Variants in BTNL2 observed in about 807,000 individuals in gnomAD.
BTNL2 encodes the protein butyrophilin-like protein 2.
A neutral mutation model predicts 46.8 loss-of-function variants in BTNL2; 46 were observed. The ratio of observed to expected loss-of-function variants is 0.98; its 90% CI spans 0.78 to 1.26. The LOEUF is 1.26. BTNL2 is among the 50% of genes most tolerant of loss of function. BTNL2 has a pLI of 0.00. For synonymous variants in BTNL2, 226 were observed against 229.1 expected, an observed-to-expected ratio of 0.99 and a Z score of 0.12; for missense variants, 461 against 592.6, an observed-to-expected ratio of 0.78 and a Z score of 2.31.
chr6:32,405,294 A>G lies in BTNL2; in HGVS notation c.80-8T>C. On this transcript the variant is annotated splice_polypyrimidine_tract_variant and splice_region_variant and intron_variant, in intron 1 of 7. Transcript: ENST00000454136. ...CAATGACTCTAAAGTCTTCTATAAA[A>G]TAAGTGAAAAAGAGGAACGAGGAAA... is the stretch of plus-strand genomic sequence containing the variant. The G allele has an allele frequency of 6.2e-7, 1 of 1,612,444 alleles. No homozygotes were observed. The highest frequency in any genetic ancestry group is 8.5e-7 in the Non-Finnish European group (1 of 1,179,614).
At chr6:32,401,872 T>A (rs1014689498) in intron 3 of BTNL2, 67 bp from the exon 4 acceptor site, 1 of 1,454,046 alleles carries the variant, frequency 6.9e-7, no homozygotes, top group Non-Finnish European at 9.5e-7. Flanking sequence ...AACTATTTTT[T>A]AAAAAAGAAA....
intron 1 of BTNL2, chr6:32,405,658 G>C (rs1172942962): frequency 3.4e-6 from 1 of 297,060 alleles, no homozygotes; most frequent in Non-Finnish European, 6.5e-6. Context: ...TTTATTCCTT[G>C]AGTCATTTAT....
chr6:32,395,614 C>T (rs117778565), intron 5 of BTNL2, among the ~76,000 whole-genome samples: 3 of 151,984 alleles, frequency 2.0e-5, no homozygotes, highest in African/African-American at 7.2e-5. Context: ...ATCTTTTCTC[C>T]CCTGTCCCTG....
At chr6:32,400,760 A>AAAAAAAAAAC (rs1390075841) in intron 4 of BTNL2, among the ~76,000 whole-genome samples, 3 of 115,834 alleles carry the variant, frequency 2.6e-5, no homozygotes, top group Non-Finnish European at 3.8e-5. Context: ...AAAAAAAAAA[A>AAAAAAAAAAC]AAATTAGCTG....
Position 32,394,740 on chromosome 6 carries a change from C to A in BTNL2, c.1360+4G>T, listed in dbSNP as rs750219754. On this transcript the variant is annotated splice_donor_region_variant and intron_variant, in intron 6 of 7. Coordinates refer to ENST00000454136, the MANE Select transcript of BTNL2 (RefSeq NM_001304561.2). This position sits in a 1 kb window ranked among gnomAD's most constrained non-coding sequence, Gnocchi z 4.6. The stretch of plus-strand genomic sequence containing the variant: ...AACCTGAAGGAACATAAGGAATCAC[C>A]AACCTGAGAGAGAAAAAGTTGCGAT... 1 of 1,608,636 alleles carries A rather than the reference C, an allele frequency of 6.2e-7. No homozygotes were observed.
At chr6:32,403,599 G>A (rs1249621029) in intron 2 of BTNL2, 1 of 153,422 alleles carries the variant, frequency 6.5e-6, no homozygotes, top group Admixed American at 7.1e-5. Flanking sequence ...ACATTGTCTG[G>A]TATTTTAGAT....
Position 32,393,602 on chromosome 6 carries a change from A to T in BTNL2, c.*7-213T>A. The T allele has an allele frequency of 6.1e-6, 1 of 165,106 alleles. No individual in the cohort carries two copies. The highest frequency in any genetic ancestry group is 1.3e-5 in the Non-Finnish European group (1 of 77,020). The allele number at this position is 165,106 out of a possible 1,614,324, so 10.2% of individuals were successfully genotyped here. On this transcript the variant is annotated intron_variant, in intron 7 of 7. Coordinates refer to ENST00000454136, the MANE Select transcript of BTNL2 (RefSeq NM_001304561.2). This position sits in a 1 kb window ranked among gnomAD's most constrained non-coding sequence, Gnocchi z 4.8. ...CACCACATTTTTAAAGATCATAGGA[A>T]ATTGTTCACGCCAACAAATCTCAGT...
Position 32,396,118 on chromosome 6 carries a change from A to C in BTNL2, c.999T>G (p.Pro333=). 2 of 1,613,118 alleles carry C rather than the reference A, an allele frequency of 1.2e-6. No homozygotes were observed. The highest frequency in any genetic ancestry group is 1.7e-6 in the Non-Finnish European group (2 of 1,180,040). Residue 333 remains proline (P), a synonymous_variant, in exon 5 of 8, where the codon CCT becomes CCG. Coordinates refer to ENST00000454136, the MANE Select transcript of BTNL2 (RefSeq NM_001304561.2). This position sits in a 1 kb window ranked among gnomAD's most constrained non-coding sequence, Gnocchi z 4.4. ...RLTLQILSAR[P]SDDGQYRCLF... ...GGCAGCGGTACTGCCCGTCGTCCGA[A>C]GGTCTGGCACTGAGTATCTGCAGGG...
intron 1 of BTNL2, 64 bp from the exon 2 acceptor site, chr6:32,405,350 G>A (rs1042500995): frequency 2.8e-5 from 42 of 1,481,194 alleles, no homozygotes; most frequent in Non-Finnish European, 3.9e-5. Context: ...GCATGCTTTG[G>A]GGTGTCCAGC....
chr6:32,403,673 CTGT>C (rs1281240839), intron 2 of BTNL2: 3 of 160,020 alleles, frequency 1.9e-5, no homozygotes, highest in African/African-American at 7.2e-5. Context: ...CCCCAGGGGC[CTGT>C]TCTTCCTGCA....
At chr6:32,397,264 A>G (rs1413745960) in intron 4 of BTNL2, among the ~76,000 whole-genome samples, 1 of 152,238 alleles carries the variant, frequency 6.6e-6, no homozygotes, top group Non-Finnish European at 1.5e-5. Context: ...CACTTTTGTA[A>G]TAAATAGCTG....
At chr6:32,403,359 T>C (rs1443078646) in intron 2 of BTNL2, 143 bp from the exon 3 acceptor site, 32 of 849,810 alleles carry the variant, frequency 3.8e-5, no homozygotes, top group Non-Finnish European at 5.3e-5. Flanking sequence ...AGTCTCCCCA[T>C]TCAAATGTGA....
intron 1 of BTNL2, 187 bp from the exon 2 acceptor site, chr6:32,405,473 A>G (rs1777079640): frequency 1.4e-6 from 1 of 716,776 alleles, no homozygotes; most frequent in African/African-American, 1.7e-5. Flanking sequence ...TGTGTACTGA[A>G]AACAAATGCA....
chr6:32,402,923 C>A lies in BTNL2; in HGVS notation c.709+12G>T, dbSNP rs748866787. ...GATCTGAGCATGTGGGTCCTAGAGGCAGAGCACTGACCTGGGAGGCTGATG... is the reference window on the plus strand; with the variant it reads ...GATCTGAGCATGTGGGTCCTAGAGGAAGAGCACTGACCTGGGAGGCTGATG... On this transcript the variant is annotated intron_variant, in intron 3 of 7. Transcript: ENST00000454136. The A allele has an allele frequency of 1.6e-5, 25 of 1,610,664 alleles. No homozygotes were observed. The highest frequency in any genetic ancestry group is 1.8e-5 in the Non-Finnish European group (21 of 1,178,276).
rs17208748 is a variant in BTNL2, at chr6:32,393,789, A to G, written c.*6+174T>C. 80,895 of 794,810 alleles carry G rather than the reference A, an allele frequency of 0.1. 4,965 individuals are homozygous for G. The highest frequency in any genetic ancestry group is 0.12 in the African/African-American group (6,762 of 56,620). 49.2% of individuals were successfully genotyped at this position (794,810 alleles called of 1,614,324 possible). A position where few individuals can be genotyped will look rare whatever the true frequency, so the allele number is the denominator to read the frequency against. The stretch of plus-strand genomic sequence containing the variant: ...AGTGGAAACACTGACCTCATGCATC[A>G]CTGAGCCTGGATTGCATGATAAGCC... On this transcript the variant is annotated intron_variant, in intron 7 of 7. Coordinates refer to ENST00000454136, the MANE Select transcript of BTNL2 (RefSeq NM_001304561.2). This position sits in a 1 kb window ranked among gnomAD's most constrained non-coding sequence, Gnocchi z 4.8.
At chr6:32,406,052 G>A (rs62404576) in intron 1 of BTNL2, 1 of 152,604 alleles carries the variant, frequency 6.6e-6, no homozygotes, top group African/African-American at 2.4e-5. Context: ...ATCATTTTAT[G>A]TCATGTATGA....
rs1348400236 is a variant in BTNL2 at position 32,399,855 on chromosome 6, A to T, written c.730+1930T>A. Among the ~76,000 whole-genome samples, 1 of 152,200 alleles carries T rather than the reference A, an allele frequency of 6.6e-6. No individual in the cohort carries two copies. The highest frequency in any genetic ancestry group is 1.5e-5 in the Non-Finnish European group (1 of 68,044). On this transcript the variant is annotated intron_variant, in intron 4 of 7. Coordinates refer to ENST00000454136, the MANE Select transcript of BTNL2 (RefSeq NM_001304561.2). This position sits in a 1 kb window ranked among gnomAD's most constrained non-coding sequence, Gnocchi z 5.2. ...TTTCAGTCTTAGGACTTCCATAGAG[A>T]GCTGGGTGTCCCATCATTAGAGCTC...
chr6:32,401,850 G>T, intron 3 of BTNL2, 45 bp from the exon 4 acceptor site: 5 of 1,551,912 alleles, frequency 3.2e-6, no homozygotes, highest in South Asian at 1.2e-5. Flanking sequence ...TTGGTGTAAG[G>T]GAAAGGAGAG....
chr6:32,397,809 C>T (rs1386989837), intron 4 of BTNL2, among the ~76,000 whole-genome samples: 1 of 152,130 alleles, frequency 6.6e-6, no homozygotes, highest in African/African-American at 2.4e-5. Flanking sequence ...AAACATGTCT[C>T]ATGTGGACTT....
Sources: gnomAD v4.1 joint callset for allele counts (sites outside exome capture counted in the v4.1 genomes callset) on GRCh38, gnomAD v4.1.1 for gene constraint, Gnocchi (gnomAD v3.1) non-coding constraint, MANE v1.5 for transcripts, NCBI Gene and HGNC (gene_info 2026-07-23, HGNC 2026-07-21) for gene names.